Variants in WWOX observed in about 807,000 individuals in gnomAD.
WWOX encodes WW domain-containing oxidoreductase.
Under a neutral mutation model 46.2 loss-of-function variants are expected in WWOX, and 69 were observed. That is an observed-to-expected ratio of 1.49 (90% CI 1.23 to 1.82). The LOEUF (loss-of-function observed/expected upper bound fraction) is 1.82, where lower values mean the gene tolerates loss of function less well. Among genes scored for constraint, WWOX ranks in the 40% most tolerant of loss-of-function variants. The pLI, the probability that WWOX is intolerant of heterozygous loss-of-function variation, is 0.00. For synonymous variants in WWOX, 359 were observed against 202.6 expected (o/e 1.77, Z -6.56); for missense variants, 919 against 542.6 (o/e 1.69, Z -6.89).
chr16:78,841,448 A>C (rs2052147158), intron 8 of WWOX, among the ~76,000 whole-genome samples: 1 of 152,220 alleles, frequency 6.6e-6, no homozygotes, highest in Non-Finnish European at 1.5e-5. Flanking sequence ...TGGTAGCTTG[A>C]AACTGACCGT....
intron 8 of WWOX, among the ~76,000 whole-genome samples, chr16:78,888,177 G>A (rs2044508107): frequency 6.6e-6 from 1 of 152,208 alleles, no homozygotes; most frequent in Non-Finnish European, 1.5e-5. Flanking sequence ...GCTCCTTAAA[G>A]ATGCTGATTC....
At chr16:78,354,698 C>G (rs570794830) in intron 5 of WWOX, among the ~76,000 whole-genome samples, 1 of 91,536 alleles carries the variant, frequency 1.1e-5, no homozygotes, top group Admixed American at 9.3e-5. Flanking sequence ...TATTCTTAAA[C>G]TAGGTAAACT....
At chr16:78,534,004 G>A (rs1229365252) in intron 8 of WWOX, among the ~76,000 whole-genome samples, 2 of 152,120 alleles carry the variant, frequency 1.3e-5, no homozygotes, top group Non-Finnish European at 2.9e-5. Context: ...CAAAACTAGA[G>A]GATGAATGAG....
chr16:79,024,969 C>T lies in WWOX; in HGVS notation c.1057-186639C>T, dbSNP rs147677807. ...GACACAGAGTGATGTGAGGCCTACA[C>T]AACAGGAGTTCAATCCTAGGACCTG... is the stretch of plus-strand genomic sequence containing the variant. On this transcript the variant is annotated intron_variant, in intron 8 of 8. Coordinates refer to ENST00000566780, the MANE Select transcript of WWOX (RefSeq NM_016373.4). 1.7e-4 allele frequency among the ~76,000 whole-genome samples: 26 copies of T among 152,296 alleles called. 1 individual carries two copies. The highest frequency in any genetic ancestry group is 6.3e-4 in the African/African-American group (26 of 41,568).
chr16:78,754,253 T>A (rs1308937879), intron 8 of WWOX, among the ~76,000 whole-genome samples: 1 of 152,098 alleles, frequency 6.6e-6, no homozygotes, highest in Non-Finnish European at 1.5e-5. Flanking sequence ...AGATTCTTGC[T>A]TCCTTCTTCC....
intron 7 of WWOX, among the ~76,000 whole-genome samples, chr16:78,432,062 T>G (rs1024718835): frequency 2.6e-5 from 4 of 152,086 alleles, no homozygotes; most frequent in African/African-American, 9.7e-5. Flanking sequence ...AAAGGAGACT[T>G]TGTTTTGATG....
At chr16:78,421,740 G>C (rs1012027230) in intron 6 of WWOX, among the ~76,000 whole-genome samples, 1 of 152,108 alleles carries the variant, frequency 6.6e-6, no homozygotes, top group Non-Finnish European at 1.5e-5. Context: ...AGTAAAGCTG[G>C]CTAAAACTTG....
intron 5 of WWOX, among the ~76,000 whole-genome samples, chr16:78,324,856 G>T (rs1466319316): frequency 6.6e-6 from 1 of 152,114 alleles, no homozygotes; most frequent in Non-Finnish European, 1.5e-5. Context: ...TGTGTTGGTT[G>T]CACAACTCTA....
chr16:78,776,893 G>A (rs1487339323), intron 8 of WWOX, among the ~76,000 whole-genome samples: 1 of 152,146 alleles, frequency 6.6e-6, no homozygotes, highest in Non-Finnish European at 1.5e-5. Context: ...CCATCATCCA[G>A]TCACCTCCTA....
intron 8 of WWOX, among the ~76,000 whole-genome samples, chr16:78,544,260 C>T (rs886962453): frequency 3.3e-5 from 5 of 152,186 alleles, no homozygotes; most frequent in African/African-American, 1.2e-4. Flanking sequence ...CAGTAGATGT[C>T]TTTCACCAAG....
chr16:79,029,436 G>T (rs1389716073), intron 8 of WWOX, among the ~76,000 whole-genome samples: 1 of 152,154 alleles, frequency 6.6e-6, no homozygotes, highest in African/African-American at 2.4e-5. Context: ...ACCAGTAAAG[G>T]GTTCTGATGT....
At chr16:78,826,300 C>A (rs894949049) in intron 8 of WWOX, among the ~76,000 whole-genome samples, 2 of 152,146 alleles carry the variant, frequency 1.3e-5, no homozygotes, top group African/African-American at 2.4e-5. Flanking sequence ...GAGCCAAGAT[C>A]GTGCCATTGC....
intron 8 of WWOX, among the ~76,000 whole-genome samples, chr16:78,634,351 C>T (rs2046512434): frequency 6.6e-6 from 1 of 152,130 alleles, no homozygotes; most frequent in Admixed American, 6.5e-5. Flanking sequence ...ATCTCTTTCA[C>T]TTATTCCCTC....
chr16:79,001,494 G>A (rs148519882), intron 8 of WWOX, among the ~76,000 whole-genome samples: 1 of 152,302 alleles, frequency 6.6e-6, no homozygotes, highest in African/African-American at 2.4e-5. Context: ...ATTATATAGT[G>A]TGTAATACCC....
intron 8 of WWOX, among the ~76,000 whole-genome samples, chr16:78,944,855 A>G (rs1456172991): frequency 6.6e-6 from 1 of 152,118 alleles, no homozygotes; most frequent in Non-Finnish European, 1.5e-5. Flanking sequence ...ACCTGGGTCC[A>G]GAACACAGAA....
Position 79,067,032 on chromosome 16 carries a change from G to T in WWOX, c.1057-144576G>T, listed in dbSNP as rs138341542. Among the ~76,000 whole-genome samples, 3 of 152,274 alleles carry T rather than the reference G, an allele frequency of 2.0e-5. No homozygotes were observed. In the East Asian group the frequency reaches 5.8e-4, roughly 29 times the overall value. On this transcript the variant is annotated intron_variant, in intron 8 of 8. Transcript: ENST00000566780. ...CAGTTAAGTGCTCTGTTGAAGGACG[G>T]CTCTGGAAGGGAGCATCCGCGAAAT...
intron 5 of WWOX, among the ~76,000 whole-genome samples, chr16:78,223,431 G>T (rs551749368): frequency 6.6e-6 from 1 of 152,288 alleles, no homozygotes; most frequent in African/African-American, 2.4e-5. Flanking sequence ...GCACTAATAG[G>T]TCAGAGAAGA....
At chr16:78,466,843 G>A (rs913507239) in intron 8 of WWOX, among the ~76,000 whole-genome samples, 1 of 150,968 alleles carries the variant, frequency 6.6e-6, no homozygotes, top group Non-Finnish European at 1.5e-5. Context: ...GCGAGACTCC[G>A]TCTCAAAAAA....
intron 8 of WWOX, among the ~76,000 whole-genome samples, chr16:78,816,256 C>CTT (rs1265128703): frequency 1.3e-5 from 2 of 152,158 alleles, no homozygotes; most frequent in Non-Finnish European, 2.9e-5. Context: ...AGAGGGCACC[C>CTT]TTTTCTTTTC....
Sources: gnomAD v4.1 joint callset for allele counts (sites outside exome capture counted in the v4.1 genomes callset) on GRCh38, gnomAD v4.1.1 for gene constraint, MANE v1.5 for transcripts, NCBI Gene and HGNC (gene_info 2026-07-23, HGNC 2026-07-21) for gene names.